CHD9: variants seen among roughly 807,000 people sequenced by gnomAD.
CHD9 encodes ATP-dependent chromatin remodeler CHD9.
In CHD9, 77 loss-of-function variants were observed where a neutral mutation model predicts 316.1. The observed-to-expected ratio is 0.24, with a 90% CI of 0.20 to 0.29. The LOEUF is 0.29. Ranked by LOEUF, CHD9 falls within the 10% of genes least tolerant of loss-of-function variation. The pLI, the probability that CHD9 is intolerant of heterozygous loss-of-function variation, is 1.00. For missense variants in CHD9, 2,763 were observed against 3,438.1 expected (o/e 0.80, Z 4.91); for synonymous variants, 1,129 against 1,158.3 (o/e 0.97, Z 0.51).
intron 1 of CHD9, among the ~76,000 whole-genome samples, chr16:53,123,793 C>T (rs1245666053): frequency 2.0e-5 from 3 of 152,184 alleles, no homozygotes; most frequent in Admixed American, 6.5e-5. Flanking sequence ...TGAGCCACCA[C>T]GCCCGGCCTA....
intron 10 of CHD9, among the ~76,000 whole-genome samples, chr16:53,234,078 TTTG>T (rs1308693239): frequency 2.6e-5 from 4 of 152,182 alleles, no homozygotes; most frequent in Non-Finnish European, 5.9e-5. Flanking sequence ...CTAGATTTCT[TTTG>T]AAAGAAATGT....
chr16:53,306,134 A>G, intron 31 of CHD9, 103 bp from the exon 32 acceptor site: 1 of 633,950 alleles, frequency 1.6e-6, no homozygotes, highest in Non-Finnish European at 2.4e-6. Context: ...TTTACTTCTA[A>G]CATTTTCATT....
chr16:53,107,738 G>A (rs1461906048), intron 1 of CHD9, among the ~76,000 whole-genome samples: 1 of 152,000 alleles, frequency 6.6e-6, no homozygotes, highest in Non-Finnish European at 1.5e-5. Context: ...CTGAGCATGG[G>A]CATGACAAGT....
intron 2 of CHD9, among the ~76,000 whole-genome samples, chr16:53,161,357 A>G (rs927039242): frequency 3.3e-5 from 5 of 152,172 alleles, no homozygotes; most frequent in African/African-American, 1.2e-4. Flanking sequence ...TACCTATATA[A>G]TTTTTGCATG....
At chr16:53,174,813 T>C (rs1247157813) in intron 2 of CHD9, among the ~76,000 whole-genome samples, 1 of 152,168 alleles carries the variant, frequency 6.6e-6, no homozygotes, top group Non-Finnish European at 1.5e-5. Flanking sequence ...TCTTACTTTG[T>C]TGCCCGGGCT....
intron 19 of CHD9, among the ~76,000 whole-genome samples, chr16:53,258,517 A>C (rs534299111): frequency 4.6e-5 from 7 of 152,296 alleles, no homozygotes; most frequent in African/African-American, 1.7e-4. Context: ...ACATTTGCCA[A>C]AATGGGATAT....
chr16:53,217,952 CTTTCT>C (rs1567499965), intron 3 of CHD9, among the ~76,000 whole-genome samples: 1 of 126,954 alleles, frequency 7.9e-6, no homozygotes, highest in Non-Finnish European at 1.7e-5. Context: ...TTCTTTCTTT[CTTTCT>C]TTTTTTTTTT....
intron 2 of CHD9, among the ~76,000 whole-genome samples, chr16:53,163,511 A>G (rs1286593559): frequency 1.3e-5 from 2 of 152,192 alleles, no homozygotes; most frequent in African/African-American, 2.4e-5. Flanking sequence ...TGCCTGGCCA[A>G]TATTTTTGAA....
intron 3 of CHD9, among the ~76,000 whole-genome samples, chr16:53,217,558 T>C (rs2046862264): frequency 1.3e-5 from 2 of 152,150 alleles, no homozygotes; most frequent in Non-Finnish European, 2.9e-5. Flanking sequence ...CTGTCTAGAA[T>C]CTGTATTTTA....
chr16:53,195,119 T>C (rs2044787765), intron 2 of CHD9, among the ~76,000 whole-genome samples: 1 of 152,196 alleles, frequency 6.6e-6, no homozygotes, highest in South Asian at 2.1e-4. Flanking sequence ...AACAATTTGA[T>C]CAATTTTCAG....
At chr16:53,149,140 T>G (rs1334518621) in intron 1 of CHD9, among the ~76,000 whole-genome samples, 1 of 152,212 alleles carries the variant, frequency 6.6e-6, no homozygotes, top group Non-Finnish European at 1.5e-5. Flanking sequence ...CTTGTAATAT[T>G]TTAAAATGTT....
At chr16:53,076,014 G>A (rs1016495576) in intron 1 of CHD9, among the ~76,000 whole-genome samples, 1 of 151,986 alleles carries the variant, frequency 6.6e-6, no homozygotes, top group African/African-American at 2.4e-5. Flanking sequence ...AATAATTAGC[G>A]ATGTCAAGCA....
chr16:53,144,988 C>G (rs1410908313), intron 1 of CHD9, among the ~76,000 whole-genome samples: 1 of 123,308 alleles, frequency 8.1e-6, no homozygotes, highest in African/African-American at 3.3e-5. Context: ...AAGCAAGACC[C>G]TGTCTCAAAA....
In CHD9 at chr16:53,301,665, A is replaced by G. The variant is rs186504891; in HGVS notation, c.5714-2055A>G. 8.5e-5 allele frequency among the ~76,000 whole-genome samples: 13 copies of G among 152,078 alleles called. No individual in the cohort carries two copies. In the East Asian group the frequency reaches 2.3e-3, roughly 27 times the overall value. On this transcript the variant is annotated intron_variant, in intron 30 of 38. Coordinates refer to ENST00000447540, the MANE Select transcript of CHD9 (RefSeq NM_001308319.2). ...TTGCATGGTCCTTGATTTTTTTTCA[A>G]ATTTTTTTGTTTTGAACTACTTTTA...
chr16:53,196,956 T>C (rs1013922815), intron 2 of CHD9, among the ~76,000 whole-genome samples: 11 of 152,204 alleles, frequency 7.2e-5, no homozygotes, highest in African/African-American at 2.7e-4. Flanking sequence ...ATAGTGATTG[T>C]CAAAGGTAGG....
At chr16:53,250,783 A>G (rs575379311) in intron 17 of CHD9, 30 of 152,258 alleles carry the variant, frequency 2.0e-4, no homozygotes, top group African/African-American at 6.7e-4. Flanking sequence ...TTTATTATTC[A>G]TCATAGTCTT....
In CHD9 at chr16:53,324,761, G is replaced by C; in HGVS notation, c.8560G>C (p.Asp2854His). 2 of 1,613,422 alleles carry C rather than the reference G, an allele frequency of 1.2e-6. No individual in the cohort carries two copies. Among genetic ancestry groups the C allele is most frequent in the East Asian group, 4.5e-5 (2 of 44,850 alleles). ...EEDSRIKDQEDKGGTEPSPLN... is the reference protein window; with the variant it reads ...EEDSRIKDQEHKGGTEPSPLN... ...AGATTCCAGAATTAAAGATCAGGAA[G>C]ACAAAGGAGGAACTGAACCAAGTCC... The change falls in exon 39 of 39, where the codon GAC becomes CAC. Residue 2854 changes from aspartate to histidine, a missense_variant. This residue lies in a region of CHD9 where 298 missense variants were observed against 380.2 expected (regional missense o/e 0.78). Transcript: ENST00000447540.
At chr16:53,263,758 A>G (rs1456366276) in intron 20 of CHD9, among the ~76,000 whole-genome samples, 2 of 152,150 alleles carry the variant, frequency 1.3e-5, no homozygotes, top group Non-Finnish European at 2.9e-5. Context: ...GAGTAACACC[A>G]CTACCATCCA....
intron 1 of CHD9, among the ~76,000 whole-genome samples, chr16:53,145,210 G>T (rs1597142504): frequency 6.6e-6 from 1 of 151,000 alleles, no homozygotes; most frequent in Non-Finnish European, 1.5e-5. Context: ...GGAGTGCAGT[G>T]GTGCGATCTC....
Sources: allele counts gnomAD v4.1 joint callset (sites outside exome capture counted in the v4.1 genomes callset), GRCh38; gene constraint gnomAD v4.1.1; regional missense constraint gnomAD v4.1.1; transcripts MANE v1.5; gene names NCBI Gene and HGNC (gene_info 2026-07-23, HGNC 2026-07-21).